The following ARHGAP42 variants were observed in gnomAD, a reference collection of about 807,000 sequenced individuals.
ARHGAP42 encodes rho GTPase-activating protein 42.
ARHGAP42 carries 63 observed loss-of-function variants against 125.0 expected under a neutral mutation model. The ratio of observed to expected loss-of-function variants is 0.50; its 90% CI spans 0.41 to 0.62. ARHGAP42 has a LOEUF of 0.62. ARHGAP42 is among the 20% of genes least tolerant of loss of function. The probability of loss-of-function intolerance (pLI) is 0.00; values close to 1 mark genes in which losing one functional copy is unlikely to be tolerated. For missense variants in ARHGAP42, 766 were observed against 1,024.2 expected, an observed-to-expected ratio of 0.75 and a Z score of 3.44; for synonymous variants, 339 against 351.0, an observed-to-expected ratio of 0.97 and a Z score of 0.38.
intron 1 of ARHGAP42, among the ~76,000 whole-genome samples, chr11:100,719,273 T>G (rs1275029801): frequency 6.6e-6 from 1 of 152,214 alleles, no homozygotes; most frequent in Non-Finnish European, 1.5e-5. Flanking sequence ...AACAACTGAA[T>G]ATTAATTGAT....
At position 100,811,815 on chromosome 11, in the gene ARHGAP42, G is replaced by A. The variant is rs640730; in HGVS notation, c.312+16649G>A. On this transcript the variant is annotated intron_variant, in intron 3 of 23. Coordinates refer to ENST00000298815, the MANE Select transcript of ARHGAP42 (RefSeq NM_152432.4). ...GAGCCCAGCCCGGATGTCTTGATTTGATTGTCTTCTGTGACTGTATACTTT... is the reference window on the plus strand; with the variant it reads ...GAGCCCAGCCCGGATGTCTTGATTTAATTGTCTTCTGTGACTGTATACTTT... 3.1e-3 allele frequency among the ~76,000 whole-genome samples: 471 copies of A among 151,962 alleles called. 5 individuals carry two copies. The highest frequency in any genetic ancestry group is 0.017 in the Middle Eastern group (5 of 292).
At position 100,989,435 on chromosome 11, in the gene ARHGAP42, A is replaced by T. The variant is rs1858773911; in HGVS notation, c.*634A>T. ...GTCATACACTGATTCCACTGTAAAC[A>T]ATCTGTCCAGAATTCCAGACACCTT... On this transcript the variant is annotated 3_prime_UTR_variant, in exon 24 of 24. Coordinates refer to ENST00000298815, the MANE Select transcript of ARHGAP42 (RefSeq NM_152432.4). 2 of 261,030 alleles carry T rather than the reference A, an allele frequency of 7.7e-6. No homozygotes were observed. Among genetic ancestry groups the T allele is most frequent in the Non-Finnish European group, 1.4e-5 (2 of 139,944 alleles). 16.2% of individuals were successfully genotyped at this position (261,030 alleles called of 1,614,324 possible).
At chr11:100,896,085 A>G (rs548945260) in intron 4 of ARHGAP42, among the ~76,000 whole-genome samples, 1 of 152,284 alleles carries the variant, frequency 6.6e-6, no homozygotes, top group East Asian at 1.9e-4. Flanking sequence ...GAGTGAGAAC[A>G]TGCGGTGTTT....
chr11:100,844,749 C>T (rs906871516), intron 3 of ARHGAP42, among the ~76,000 whole-genome samples: 1 of 144,850 alleles, frequency 6.9e-6, no homozygotes, highest in Non-Finnish European at 1.5e-5. Context: ...TACGATATCA[C>T]CTTCTGCAAG....
rs369196175 is a variant in ARHGAP42, at chr11:100,762,183, CTG to C, written c.155-8159_155-8158del. On this transcript the variant is annotated intron_variant, in intron 1 of 23. Transcript: ENST00000298815. ...TCCACTGCAAAGCGGGATGCAGACT[CTG>C]AATATACTTCTGCTGTAAAAATGAA... is the stretch of plus-strand genomic sequence containing the variant. 2.4e-4 allele frequency among the ~76,000 whole-genome samples: 37 copies of C among 152,310 alleles called. 1 individual carries two copies. The East Asian group carries it at 6.4e-3, about 26-fold the overall frequency.
chr11:100,719,210 G>A (rs1192096581), intron 1 of ARHGAP42, among the ~76,000 whole-genome samples: 1 of 152,162 alleles, frequency 6.6e-6, no homozygotes, highest in Admixed American at 6.5e-5. Flanking sequence ...TTCACCACTA[G>A]ATACTGTCTT....
chr11:100,728,179 A>G (rs1861893199), intron 1 of ARHGAP42, among the ~76,000 whole-genome samples: 2 of 151,058 alleles, frequency 1.3e-5, no homozygotes, highest in Non-Finnish European at 3.0e-5. Context: ...GAAGAAAGAC[A>G]TAGATTTTAC....
intron 5 of ARHGAP42, among the ~76,000 whole-genome samples, chr11:100,918,871 G>A (rs1018417774): frequency 6.6e-6 from 1 of 152,036 alleles, no homozygotes; most frequent in Admixed American, 6.6e-5. Context: ...TTTGGAGGGG[G>A]GCAAGTGGGA....
intron 3 of ARHGAP42, among the ~76,000 whole-genome samples, chr11:100,818,741 G>T (rs1399277334): frequency 6.6e-6 from 1 of 152,108 alleles, no homozygotes; most frequent in Admixed American, 6.6e-5. Context: ...GTGGTACGGT[G>T]TATTTTTTCT....
At chr11:100,914,222 A>G (rs1380425874) in intron 5 of ARHGAP42, among the ~76,000 whole-genome samples, 1 of 152,182 alleles carries the variant, frequency 6.6e-6, no homozygotes, top group African/African-American at 2.4e-5. Flanking sequence ...GGCATGAACC[A>G]CTGTGCCCCA....
At chr11:100,974,184 A>G (rs535495878) in intron 18 of ARHGAP42, among the ~76,000 whole-genome samples, 28 of 152,286 alleles carry the variant, frequency 1.8e-4, no homozygotes, top group Non-Finnish European at 3.7e-4. Context: ...GTGGAAAGAG[A>G]GTATTACAAT....
chr11:100,948,908 G>A (rs1868097991), intron 11 of ARHGAP42, among the ~76,000 whole-genome samples: 1 of 152,064 alleles, frequency 6.6e-6, no homozygotes, highest in Non-Finnish European at 1.5e-5. Flanking sequence ...AAGGTTCAGG[G>A]TAAGAACTGA....
At chr11:100,855,040 T>G (rs1865294241) in intron 3 of ARHGAP42, among the ~76,000 whole-genome samples, 2 of 152,212 alleles carry the variant, frequency 1.3e-5, no homozygotes, top group African/African-American at 4.8e-5. Context: ...TTGTTTATAT[T>G]GACATCTCAA....
At chr11:100,815,564 T>C (rs2093228745) in intron 3 of ARHGAP42, among the ~76,000 whole-genome samples, 2 of 152,202 alleles carry the variant, frequency 1.3e-5, no homozygotes, top group Admixed American at 1.3e-4. Flanking sequence ...TTCTTAGATG[T>C]GCAAAGAATT....
intron 4 of ARHGAP42, among the ~76,000 whole-genome samples, chr11:100,912,054 A>G (rs1866936747): frequency 6.6e-6 from 1 of 152,138 alleles, no homozygotes; most frequent in African/African-American, 2.4e-5. Context: ...CTAAAATTCC[A>G]CACATGGAAA....
chr11:100,740,324 G>A (rs570324453), intron 1 of ARHGAP42, among the ~76,000 whole-genome samples: 21 of 152,116 alleles, frequency 1.4e-4, no homozygotes, highest in South Asian at 8.3e-4. Context: ...GAAGAAAAAC[G>A]TATTTGCTGA....
chr11:100,976,506 G>A (rs1269071501), intron 20 of ARHGAP42, 69 bp downstream of exon 20: 6 of 1,444,150 alleles, frequency 4.2e-6, no homozygotes, highest in Non-Finnish European at 5.5e-6. Context: ...TATTCAGCAT[G>A]GTTAAGCAGG....
intron 1 of ARHGAP42, among the ~76,000 whole-genome samples, chr11:100,710,496 A>G (rs1418023386): frequency 1.3e-5 from 2 of 149,144 alleles, no homozygotes; most frequent in African/African-American, 2.5e-5. Flanking sequence ...CGGCCTCCCA[A>G]AGTGCTGGAT....
intron 1 of ARHGAP42, among the ~76,000 whole-genome samples, chr11:100,693,627 C>G (rs1861229263): frequency 6.6e-6 from 1 of 152,138 alleles, no homozygotes; most frequent in South Asian, 2.1e-4. Context: ...AATTAAAGGC[C>G]TCTCCTGGGT....
Sources: allele counts gnomAD v4.1 joint callset (sites outside exome capture counted in the v4.1 genomes callset), GRCh38; gene constraint gnomAD v4.1.1; transcripts MANE v1.5; gene names NCBI Gene and HGNC (gene_info 2026-07-23, HGNC 2026-07-21).